DLG2: variants seen among roughly 807,000 people sequenced by gnomAD.
The protein encoded by DLG2 is discs large MAGUK scaffold protein 2, also known as disks large homolog 2.
DLG2 carries 45 observed loss-of-function variants against 132.5 expected under a neutral mutation model. The observed-to-expected ratio is 0.34, with a 90% CI of 0.27 to 0.44. The LOEUF (loss-of-function observed/expected upper bound fraction) is 0.44. DLG2 is among the 20% of genes least tolerant of loss of function. The pLI is 1.00. For missense variants in DLG2, 1,045 were observed against 1,196.9 expected (o/e 0.87, Z 1.87); for synonymous variants, 424 against 419.6 (o/e 1.01, Z -0.13).
rs80262518 is a variant in DLG2, at chr11:84,555,920, C to A, written c.358-21189G>T. Among the ~76,000 whole-genome samples, 527 of 152,282 alleles carry A rather than the reference C, an allele frequency of 3.5e-3. 6 individuals carry two copies. Among genetic ancestry groups the A allele is most frequent in the African/African-American group, 0.012 (507 of 41,564 alleles). Reference sequence around the variant, plus strand: ...ACCAGTTGGGAGGCATTTAGAGAACCTGTGCTGGTGCCTGAGACAGGCAAG... The same window carrying A: ...ACCAGTTGGGAGGCATTTAGAGAACATGTGCTGGTGCCTGAGACAGGCAAG... On this transcript the variant is annotated intron_variant, in intron 6 of 27. Coordinates refer to ENST00000376104, the MANE Select transcript of DLG2 (RefSeq NM_001142699.3).
intron 18 of DLG2, among the ~76,000 whole-genome samples, chr11:83,677,797 C>T (rs2078016870): frequency 6.6e-6 from 1 of 152,078 alleles, no homozygotes; most frequent in African/African-American, 2.4e-5. Flanking sequence ...TCCAATGTGA[C>T]ATAAGATGAA....
At chr11:84,387,803 T>C (rs566296335) in intron 7 of DLG2, among the ~76,000 whole-genome samples, 1 of 152,334 alleles carries the variant, frequency 6.6e-6, no homozygotes, top group African/African-American at 2.4e-5. Flanking sequence ...ATGGATTACC[T>C]GAAAGTAAAT....
At chr11:85,103,256 A>C (rs1460201690) in intron 6 of DLG2, among the ~76,000 whole-genome samples, 3 of 151,944 alleles carry the variant, frequency 2.0e-5, no homozygotes, top group Non-Finnish European at 4.4e-5. Flanking sequence ...TTCATAAGCT[A>C]ATCCTAAAAT....
chr11:83,652,240 C>T (rs2070768513), intron 18 of DLG2, among the ~76,000 whole-genome samples: 1 of 152,148 alleles, frequency 6.6e-6, no homozygotes, highest in Admixed American at 6.5e-5. Context: ...CAATAGCCTG[C>T]ACTTGTTCTG....
At chr11:83,592,511 T>C (rs1014291230) in intron 19 of DLG2, among the ~76,000 whole-genome samples, 11 of 152,104 alleles carry the variant, frequency 7.2e-5, no homozygotes, top group Non-Finnish European at 1.0e-4. Context: ...ATTAAAGACT[T>C]AAACGTTAGA....
intron 6 of DLG2, among the ~76,000 whole-genome samples, chr11:84,860,801 G>C (rs775877902): frequency 1.2e-4 from 17 of 147,150 alleles, no homozygotes; most frequent in Non-Finnish European, 2.4e-4. Context: ...AGTCAAGCAA[G>C]AAAAATGAAA....
At chr11:84,666,890 C>G (rs1207317592) in intron 6 of DLG2, among the ~76,000 whole-genome samples, 2 of 152,098 alleles carry the variant, frequency 1.3e-5, no homozygotes, top group African/African-American at 2.4e-5. Flanking sequence ...ACATGACACC[C>G]AAGATCTAAG....
intron 7 of DLG2, among the ~76,000 whole-genome samples, chr11:84,296,977 T>C (rs925522119): frequency 3.3e-5 from 5 of 151,976 alleles, no homozygotes; most frequent in East Asian, 2.0e-4. Context: ...AAAGGGTCAA[T>C]AGCAGATATT....
intron 6 of DLG2, among the ~76,000 whole-genome samples, chr11:84,885,746 AC>A (rs1171505009): frequency 1.3e-5 from 2 of 152,084 alleles, no homozygotes; most frequent in African/African-American, 4.8e-5. Context: ...AGCAATGAAA[AC>A]CAGCACCACC....
chr11:84,114,762 AC>A (rs1195349640), intron 9 of DLG2, among the ~76,000 whole-genome samples: 1 of 150,862 alleles, frequency 6.6e-6, no homozygotes, highest in Admixed American at 6.6e-5. Flanking sequence ...TCTGCTCACT[AC>A]AACTTCTTTC....
At chr11:84,359,262 G>A (rs1007185330) in intron 7 of DLG2, among the ~76,000 whole-genome samples, 14 of 151,762 alleles carry the variant, frequency 9.2e-5, no homozygotes, top group African/African-American at 3.1e-4. Flanking sequence ...GAATCAATAT[G>A]CTGTTGTTCT....
chr11:83,880,507 C>T (rs73522986), intron 15 of DLG2, among the ~76,000 whole-genome samples: 114 of 152,226 alleles, frequency 7.5e-4, no homozygotes, highest in African/African-American at 2.4e-3. Context: ...GTGAAATTAT[C>T]CTACATATAA....
intron 6 of DLG2, among the ~76,000 whole-genome samples, chr11:84,740,664 G>A (rs980857800): frequency 5.9e-5 from 9 of 152,118 alleles, no homozygotes; most frequent in African/African-American, 2.2e-4. Flanking sequence ...CAACTCCAGC[G>A]GTGCAGAGCC....
At chr11:84,737,514 G>GAC (rs2064008127) in intron 6 of DLG2, among the ~76,000 whole-genome samples, 1 of 151,812 alleles carries the variant, frequency 6.6e-6, no homozygotes. Context: ...GAGAGAGAGA[G>GAC]AGAGAGAGAG....
chr11:85,417,930 T>A (rs535109703), intron 3 of DLG2, among the ~76,000 whole-genome samples: 1 of 152,092 alleles, frequency 6.6e-6, no homozygotes, highest in East Asian at 1.9e-4. Flanking sequence ...TTAATGTCTC[T>A]ATCTCTTTCA....
At chr11:84,966,590 G>T (rs563564545) in intron 6 of DLG2, among the ~76,000 whole-genome samples, 1 of 152,224 alleles carries the variant, frequency 6.6e-6, no homozygotes, top group Admixed American at 6.6e-5. Flanking sequence ...ATGTGACGAG[G>T]AAAGACAGCA....
intron 3 of DLG2, among the ~76,000 whole-genome samples, chr11:85,320,714 G>A (rs902024963): frequency 5.3e-5 from 8 of 151,812 alleles, no homozygotes; most frequent in African/African-American, 1.7e-4. Context: ...AGCAAGCCAT[G>A]TAATTATCTA....
At chr11:84,347,841 T>G (rs2098545880) in intron 7 of DLG2, among the ~76,000 whole-genome samples, 1 of 152,192 alleles carries the variant, frequency 6.6e-6, no homozygotes, top group African/African-American at 2.4e-5. Flanking sequence ...TTAGGCACAT[T>G]GCTGCTTGTA....
At chr11:84,059,189 G>T in intron 11 of DLG2, 126 bp downstream of exon 11, 1 of 876,544 alleles carries the variant, frequency 1.1e-6, no homozygotes. Context: ...ACTACTGTAG[G>T]ATTTTAAATC....
Sources: allele counts gnomAD v4.1 joint callset (sites outside exome capture counted in the v4.1 genomes callset), GRCh38; gene constraint gnomAD v4.1.1; transcripts MANE v1.5; gene names NCBI Gene and HGNC (gene_info 2026-07-23, HGNC 2026-07-21).